USP20: variants seen among roughly 807,000 people sequenced by gnomAD.
USP20 encodes the protein ubiquitin specific peptidase 20.
Under a neutral mutation model 124.2 loss-of-function variants are expected in USP20, and 80 were observed. The ratio of observed to expected loss-of-function variants is 0.64; its 90% CI spans 0.54 to 0.78. The LOEUF (loss-of-function observed/expected upper bound fraction) is 0.78. USP20 is among the 30% of genes least tolerant of loss of function. The pLI, the probability that USP20 is intolerant of heterozygous loss-of-function variation, is 0.00. For missense variants in USP20, 1,043 were observed against 1,244.4 expected (o/e 0.84, Z 2.44); for synonymous variants, 481 against 512.3 (o/e 0.94, Z 0.83).
chr9:129,867,266 G>T lies in USP20; in HGVS notation c.691-739G>T, dbSNP rs1475482046. ...TGTGTGAGCACACAGATCTCAGTGGGGCTCACTGGGCGCCTCTGCCCGAGC... is the reference window on the plus strand; with the variant it reads ...TGTGTGAGCACACAGATCTCAGTGGTGCTCACTGGGCGCCTCTGCCCGAGC... On this transcript the variant is annotated intron_variant, in intron 10 of 25. Transcript: ENST00000372429. Among the ~76,000 whole-genome samples the T allele has an allele frequency of 3.3e-5, 5 of 152,270 alleles. No homozygotes were observed. The South Asian group carries it at 1.0e-3, about 32-fold the overall frequency.
At chr9:129,861,114 G>A (rs1036907908) in intron 7 of USP20, 81 bp downstream of exon 7, 72 of 1,306,028 alleles carry the variant, frequency 5.5e-5, no homozygotes, top group Non-Finnish European at 2.5e-5. Flanking sequence ...CAGAGTCTTG[G>A]TCTCTATTTG....
intron 10 of USP20, 117 bp downstream of exon 10, chr9:129,865,498 C>T (rs1035679952): frequency 2.9e-5 from 31 of 1,069,152 alleles, no homozygotes; most frequent in East Asian, 5.0e-5. Flanking sequence ...TGGCAGGTCT[C>T]ACGGACCAGG....
At chr9:129,853,480 T>C (rs2033044138) in intron 3 of USP20, among the ~76,000 whole-genome samples, 1 of 152,210 alleles carries the variant, frequency 6.6e-6, no homozygotes, top group Non-Finnish European at 1.5e-5. Flanking sequence ...AATGGCCTTG[T>C]AGAAAAGTCA....
At chr9:129,870,653 G>A in intron 15 of USP20, 106 bp downstream of exon 15, 2 of 1,285,896 alleles carry the variant, frequency 1.6e-6, no homozygotes, top group Non-Finnish European at 2.2e-6. Context: ...GGGATGCACA[G>A]CCAGGCTAGA....
At chr9:129,847,775 C>G (rs754551870) in intron 1 of USP20, among the ~76,000 whole-genome samples, 3 of 152,156 alleles carry the variant, frequency 2.0e-5, no homozygotes, top group Non-Finnish European at 4.4e-5. Flanking sequence ...TCCTTCTTGT[C>G]TGCAACATAA....
intron 5 of USP20, 114 bp downstream of exon 5, chr9:129,858,226 C>A: frequency 8.1e-7 from 1 of 1,227,304 alleles, no homozygotes; most frequent in South Asian, 1.3e-5. Flanking sequence ...TGGTGTCATC[C>A]TAGCATAGCT....
Position 129,874,562 on chromosome 9 carries a change from C to G in USP20, c.1741-14C>G. 1 of 1,612,068 alleles carries G rather than the reference C, an allele frequency of 6.2e-7. No individual in the cohort carries two copies. The highest frequency in any genetic ancestry group is 8.5e-7 in the Non-Finnish European group (1 of 1,178,802). ...TTTCTTCCTAGATGACCGGCGCTCT[C>G]TCTGTCCCCGCAGATCCTGTGCATT... On this transcript the variant is annotated splice_polypyrimidine_tract_variant and intron_variant, in intron 17 of 25. Coordinates refer to ENST00000372429, the MANE Select transcript of USP20 (RefSeq NM_001110303.4).
intron 3 of USP20, among the ~76,000 whole-genome samples, chr9:129,853,818 G>C (rs953106617): frequency 6.6e-6 from 1 of 152,188 alleles, no homozygotes; most frequent in African/African-American, 2.4e-5. Flanking sequence ...AAGAGAGGTG[G>C]AGCACAGGAA....
At chr9:129,875,504 A>G in intron 20 of USP20, 25 bp downstream of exon 20, 1 of 1,612,536 alleles carries the variant, frequency 6.2e-7, no homozygotes, top group Non-Finnish European at 8.5e-7. Context: ...GTGGTGGGAG[A>G]GCAGGGTGGG....
At position 129,868,954 on chromosome 9, in the gene USP20, C is replaced by T. The variant is rs941127240; in HGVS notation, c.1228C>T (p.Pro410Ser). 34 of 1,612,760 alleles carry T rather than the reference C, an allele frequency of 2.1e-5. No homozygotes were observed. The highest frequency in any genetic ancestry group is 4.0e-5 in the African/African-American group (3 of 74,912). Reference protein sequence around the residue: ...EGHAKLSSSPPRASPVRMAPS... With the variant: ...EGHAKLSSSPSRASPVRMAPS... ...CCATGCCAAGCTGTCTAGCAGCCCC[C>T]CTCGTGCAAGCCCCGTGAGGATGGC... Residue 410 changes from proline to serine, a missense_variant, in exon 12 of 26, where the codon CCT becomes TCT. Pro to Ser is a moderately conservative substitution (Grantham distance 74). Coordinates refer to ENST00000372429, the MANE Select transcript of USP20 (RefSeq NM_001110303.4).
intron 1 of USP20, among the ~76,000 whole-genome samples, chr9:129,846,247 A>ATATATATATATATATATATTTTTTTTT: frequency 3.1e-5 from 1 of 32,664 alleles, no homozygotes; most frequent in South Asian, 1.9e-3. Context: ...ATATATATAT[A>ATATATATATATATATATATTTTTTTTT]TTTTTTTTTT....
rs754652722 is a variant in USP20 at position 129,880,177 on chromosome 9, C to T, written c.2649C>T (p.Gly883=). Reference sequence around the variant, plus strand: ...ACCTGAACAGCCTGTATGGAGGTGGCCCCGAGATTGCCATCCGCCAGAGTG... The same window carrying T: ...ACCTGAACAGCCTGTATGGAGGTGGTCCCGAGATTGCCATCCGCCAGAGTG... ...WTYLNSLYGG[G]PEIAIRQSVA... is the part of the protein sequence containing the mutation. The change falls in exon 25 of 26, where the codon GGC becomes GGT. Residue 883 remains glycine, a synonymous_variant. Transcript: ENST00000372429. The T allele has an allele frequency of 1.7e-5, 27 of 1,613,814 alleles. No homozygotes were observed. In the South Asian group the frequency reaches 2.7e-4, roughly 16 times the overall value.
chr9:129,870,630 G>T, intron 15 of USP20, 83 bp downstream of exon 15: 1 of 1,460,480 alleles, frequency 6.8e-7, no homozygotes. Context: ...CCAGCATGCA[G>T]CCCAGGGCTT....
At chr9:129,864,469 CA>C (rs575582320) in intron 9 of USP20, among the ~76,000 whole-genome samples, 35 of 116,794 alleles carry the variant, frequency 3.0e-4, no homozygotes, top group Admixed American at 5.3e-4. Flanking sequence ...GACCCTGTCT[CA>C]AAAAAAAAAA....
intron 8 of USP20, among the ~76,000 whole-genome samples, chr9:129,861,940 G>C (rs890905332): frequency 6.6e-6 from 1 of 152,172 alleles, no homozygotes; most frequent in Non-Finnish European, 1.5e-5. Flanking sequence ...AAGACAACAT[G>C]CATTGAAACA....
At chr9:129,855,796 T>A (rs1437038622) in intron 3 of USP20, among the ~76,000 whole-genome samples, 1 of 152,182 alleles carries the variant, frequency 6.6e-6, no homozygotes, top group Non-Finnish European at 1.5e-5. Context: ...GGAGCAGGCT[T>A]TGACGCCCAG....
intron 3 of USP20, 80 bp downstream of exon 3, chr9:129,852,716 T>TTTTTCCACTGCTTCA: frequency 7.3e-7 from 1 of 1,377,740 alleles, no homozygotes; most frequent in Non-Finnish European, 1.0e-6. Context: ...TCTGAAGCAG[T>TTTTTCCACTGCTTCA]GGAAAAACTG....
chr9:129,854,123 A>G (rs2033089803), intron 3 of USP20, among the ~76,000 whole-genome samples: 1 of 152,172 alleles, frequency 6.6e-6, no homozygotes, highest in Non-Finnish European at 1.5e-5. Flanking sequence ...GGATGATACC[A>G]TTTTGCAGAT....
At chr9:129,843,403 C>G (rs2032348751) in intron 1 of USP20, among the ~76,000 whole-genome samples, 3 of 151,588 alleles carry the variant, frequency 2.0e-5, no homozygotes, top group African/African-American at 7.3e-5. Flanking sequence ...GCAGTCCAGC[C>G]TAGGCAACAG....
Sources: allele counts gnomAD v4.1 joint callset (sites outside exome capture counted in the v4.1 genomes callset), GRCh38; gene constraint gnomAD v4.1.1; transcripts MANE v1.5; gene names NCBI Gene and HGNC (gene_info 2026-07-23, HGNC 2026-07-21).